THOC1: variants seen among roughly 807,000 people sequenced by gnomAD.
The protein encoded by THOC1 is THO complex 1.
Under a neutral mutation model 97.3 loss-of-function variants are expected in THOC1, and 29 were observed. The observed-to-expected ratio is 0.30, with a 90% CI of 0.22 to 0.41. THOC1 has a LOEUF of 0.41. THOC1 is among the 10% of genes least tolerant of loss of function. The pLI is 1.00. For missense variants in THOC1, 529 were observed against 761.9 expected, an observed-to-expected ratio of 0.69 and a Z score of 3.60; for synonymous variants, 255 against 257.0, an observed-to-expected ratio of 0.99 and a Z score of 0.07.
In THOC1 at chr18:231,348, A is replaced by G. The variant is rs570141086; in HGVS notation, c.919-4447T>C. The stretch of plus-strand genomic sequence containing the variant: ...TGCTTTTCATTTTAGTCATCCTTAC[A>G]TGCCTCTCTGTCAATCAATTTTACA... On this transcript the variant is annotated intron_variant, in intron 11 of 20. Transcript: ENST00000261600. 2.6e-5 allele frequency among the ~76,000 whole-genome samples: 4 copies of G among 152,330 alleles called. No individual in the cohort carries two copies. The East Asian group carries it at 7.7e-4, about 29-fold the overall frequency.
chr18:238,715 T>G (rs16975691), intron 11 of THOC1, among the ~76,000 whole-genome samples: 1 of 152,226 alleles, frequency 6.6e-6, no homozygotes, highest in East Asian at 1.9e-4. Context: ...GTTATGTGGT[T>G]GTTATGTGGT....
rs747944573 is a variant in THOC1, at chr18:265,532, T to TA, written c.55-3dup. 148 of 1,553,518 alleles carry TA rather than the reference T, an allele frequency of 9.5e-5. No homozygotes were observed. Among genetic ancestry groups the TA allele is most frequent in the Admixed American group, 3.7e-4 (18 of 49,124 alleles). ...GTTCAAGGCCTCTCTGGTAGACTTC[T>TA]AAAAAAAAATTAAAATGGCAAATAA... is the stretch of plus-strand genomic sequence containing the variant. On this transcript the variant is annotated splice_polypyrimidine_tract_variant and splice_region_variant and intron_variant, in intron 1 of 20. Coordinates refer to ENST00000261600, the MANE Select transcript of THOC1 (RefSeq NM_005131.3).
rs754145701 is a variant in THOC1, at chr18:264,084, A to C, written c.198T>G (p.His66Gln). The C allele has an allele frequency of 6.2e-7, 1 of 1,610,580 alleles. No individual in the cohort carries two copies. The highest frequency in any genetic ancestry group is 1.1e-5 in the South Asian group (1 of 90,490). ...TAGCTAAAACGTTTTCACATGATGA[A>C]TGATTTATCTACCAACAGAGGAGAA... ...RGILEEEIIN[H>Q]SSCENVLAII... is the part of the protein sequence containing the mutation. The change falls in exon 4 of 21, where the codon CAT becomes CAG. Residue 66 changes from histidine to glutamine, a missense_variant. By Grantham distance (24) the His-to-Gln change is conservative. Transcript: ENST00000261600.
chr18:228,536 A>C (rs1009342853), intron 11 of THOC1, among the ~76,000 whole-genome samples: 3 of 151,568 alleles, frequency 2.0e-5, no homozygotes, highest in South Asian at 2.1e-4. Flanking sequence ...GGAAAAAAAA[A>C]CCAAAATCAC....
chr18:249,237 A>G (rs1035665383), intron 9 of THOC1, among the ~76,000 whole-genome samples: 8 of 152,190 alleles, frequency 5.3e-5, no homozygotes, highest in African/African-American at 1.9e-4. Flanking sequence ...CGCTCTTCCT[A>G]AACTTTTCCC....
At chr18:232,542 T>G (rs992228525) in intron 11 of THOC1, among the ~76,000 whole-genome samples, 1 of 151,830 alleles carries the variant, frequency 6.6e-6, no homozygotes, top group Non-Finnish European at 1.5e-5. Flanking sequence ...TTCTAAACTT[T>G]CATTTACAAA....
In THOC1 at chr18:267,819, C is replaced by T. The variant is rs758025430; in HGVS notation, c.54+147G>A. 9 of 839,872 alleles carry T rather than the reference C, an allele frequency of 1.1e-5. No homozygotes were observed. In the Middle Eastern group the frequency reaches 7.1e-4, roughly 66 times the overall value. The allele number at this position is 839,872 out of a possible 1,614,324, so 52.0% of individuals were successfully genotyped here. A position where few individuals can be genotyped will look rare whatever the true frequency, so the allele number is the denominator to read the frequency against. On this transcript the variant is annotated intron_variant, in intron 1 of 20. Coordinates refer to ENST00000261600, the MANE Select transcript of THOC1 (RefSeq NM_005131.3). ...GCGGGTAGTGCGTCTTTCCCTACCC[C>T]TCAACCTCCGACGGGGCCCGGAGCG...
At chr18:261,744 G>C (rs1912613290) in intron 4 of THOC1, among the ~76,000 whole-genome samples, 1 of 152,198 alleles carries the variant, frequency 6.6e-6, no homozygotes. Flanking sequence ...CTTAGTTGCA[G>C]TATAGCCTGG....
rs748678343 is a variant in THOC1 at position 264,011 on chromosome 18, C to G, written c.256+15G>C. 12 of 1,596,542 alleles carry G rather than the reference C, an allele frequency of 7.5e-6. No homozygotes were observed. The highest frequency in any genetic ancestry group is 1.0e-5 in the Non-Finnish European group (12 of 1,167,568). On this transcript the variant is annotated intron_variant, in intron 4 of 20. Coordinates refer to ENST00000261600, the MANE Select transcript of THOC1 (RefSeq NM_005131.3). The stretch of plus-strand genomic sequence containing the variant: ...CAAGATTACTTTAAACAAAACAAAA[C>G]GGAACCATACTTACCTTCAGTTACT...
chr18:261,373 T>A (rs187728963), intron 4 of THOC1, among the ~76,000 whole-genome samples: 1 of 152,234 alleles, frequency 6.6e-6, no homozygotes, highest in East Asian at 1.9e-4. Flanking sequence ...ATATACTATG[T>A]CCAGAAAAAA....
chr18:231,751 TG>T (rs1214656055), intron 11 of THOC1, among the ~76,000 whole-genome samples: 6 of 152,344 alleles, frequency 3.9e-5, no homozygotes, highest in Admixed American at 2.6e-4. Context: ...ACCACTACCA[TG>T]TATTTCACGG....
At chr18:227,071 C>T (rs1184030518) in intron 11 of THOC1, among the ~76,000 whole-genome samples, 170 bp from the exon 12 acceptor site, 2 of 152,210 alleles carry the variant, frequency 1.3e-5, no homozygotes, top group Non-Finnish European at 2.9e-5. Context: ...AAAGACAGCC[C>T]AGTCAAGGTT....
At position 263,143 on chromosome 18, in the gene THOC1, C is replaced by T. The variant is rs1020573767; in HGVS notation, c.256+883G>A. On this transcript the variant is annotated intron_variant, in intron 4 of 20. Coordinates refer to ENST00000261600, the MANE Select transcript of THOC1 (RefSeq NM_005131.3). ...TTGCCCAGGCTGGAGTGCAGTGGCT[C>T]GAGCTCAGCTCACTGCAAGCTCCGC... is the stretch of plus-strand genomic sequence containing the variant. 5.9e-5 allele frequency among the ~76,000 whole-genome samples: 9 copies of T among 152,212 alleles called. No individual in the cohort carries two copies. In the South Asian group the frequency reaches 1.4e-3, roughly 25 times the overall value.
At chr18:215,617 C>T in intron 19 of THOC1, 113 bp from the exon 20 acceptor site, 1 of 779,266 alleles carries the variant, frequency 1.3e-6, no homozygotes, top group Non-Finnish European at 2.2e-6. Context: ...GTGCCAGAAC[C>T]TCACCCCTGA....
intron 11 of THOC1, among the ~76,000 whole-genome samples, chr18:234,926 T>G (rs935909804): frequency 2.6e-5 from 4 of 152,156 alleles, no homozygotes; most frequent in African/African-American, 9.6e-5. Flanking sequence ...GGGGGGCTTC[T>G]CTTTTTCTAA....
At chr18:225,613 A>G in intron 12 of THOC1, 1 of 543,106 alleles carries the variant, frequency 1.8e-6, no homozygotes, top group Admixed American at 3.5e-5. Context: ...ATAAAAGCAT[A>G]TGCAGGGAAT....
At chr18:235,063 T>C (rs1911626784) in intron 11 of THOC1, among the ~76,000 whole-genome samples, 5 of 149,328 alleles carry the variant, frequency 3.3e-5, no homozygotes, top group Admixed American at 1.4e-4. Context: ...TCCTTAATGG[T>C]TGTTCATTTA....
chr18:257,482 G>A (rs999019009), intron 7 of THOC1, among the ~76,000 whole-genome samples: 2 of 152,086 alleles, frequency 1.3e-5, no homozygotes, highest in South Asian at 2.1e-4. Context: ...TTTTGCTGCT[G>A]TTCATGTAAA....
chr18:217,340 CCT>C (rs1164358875), intron 18 of THOC1, among the ~76,000 whole-genome samples: 1 of 152,222 alleles, frequency 6.6e-6, no homozygotes, highest in Non-Finnish European at 1.5e-5. Context: ...TAAGAGCCTT[CCT>C]CTCTGACATA....
Sources: gnomAD v4.1 joint callset for allele counts (sites outside exome capture counted in the v4.1 genomes callset) on GRCh38, gnomAD v4.1.1 for gene constraint, MANE v1.5 for transcripts, NCBI Gene and HGNC (gene_info 2026-07-23, HGNC 2026-07-21) for gene names.